The following HOXC4 variants were observed in gnomAD, a reference collection of about 807,000 sequenced individuals.
HOXC4 encodes the protein homeobox C4.
A neutral mutation model predicts 25.5 loss-of-function variants in HOXC4; 15 were observed. The observed-to-expected ratio is 0.59, with a 90% CI of 0.39 to 0.91. HOXC4 has a LOEUF of 0.91. HOXC4 is among the 40% of genes least tolerant of loss of function. HOXC4 has a pLI of 0.00. For missense variants in HOXC4, 342 were observed against 352.4 expected (o/e 0.97, Z 0.24); for synonymous variants, 165 against 148.0 (o/e 1.11, Z -0.83).
intron 1 of HOXC4, chr12:54,034,105 G>T (rs1368104968): frequency 1.2e-5 from 9 of 728,678 alleles, no homozygotes; most frequent in Non-Finnish European, 2.3e-5. Context: ...CTGGGCGGAG[G>T]CGCCTCTCCC....
chr12:54,030,090 G>A (rs1036679240), intron 1 of HOXC4: 6 of 964,948 alleles, frequency 6.2e-6, no homozygotes, highest in Non-Finnish European at 7.5e-6. Flanking sequence ...CAAAATTAGG[G>A]AGTCAAACGT....
chr12:54,049,756 AC>A (rs2136463671), upstream of HOXC4, among the ~76,000 whole-genome samples: 1 of 74,950 alleles, frequency 1.3e-5, no homozygotes, highest in African/African-American at 6.3e-5. Context: ...ATACACACAC[AC>A]ACACACACAC....
intron 1 of HOXC4, among the ~76,000 whole-genome samples, chr12:54,018,306 C>T (rs1037050862): frequency 6.6e-6 from 1 of 152,192 alleles, no homozygotes; most frequent in Non-Finnish European, 1.5e-5. Context: ...GATGCCCGCT[C>T]GCCACGCATG....
chr12:54,023,169 G>T (rs879661908), intron 1 of HOXC4, among the ~76,000 whole-genome samples: 3 of 152,204 alleles, frequency 2.0e-5, no homozygotes, highest in Non-Finnish European at 4.4e-5. Flanking sequence ...TGGAATAGAG[G>T]TGGGAGGCTT....
intron 1 of HOXC4, among the ~76,000 whole-genome samples, chr12:54,025,903 G>A (rs1940673754): frequency 6.6e-6 from 1 of 152,034 alleles, no homozygotes; most frequent in African/African-American, 2.4e-5. Flanking sequence ...AGTCCATGCT[G>A]CCCCAGAAGC....
rs575992089 is a variant in HOXC4, at chr12:54,023,996, G to A, written c.-124+6582G>A. The stretch of plus-strand genomic sequence containing the variant: ...AGCTTATTTATACACAAAACACCAG[G>A]CATTTGGAGTAGAATTTATTTTTTA... On this transcript the variant is annotated intron_variant, in intron 1 of 3. Transcript: ENST00000303406. Among the ~76,000 whole-genome samples the A allele has an allele frequency of 1.8e-4, 28 of 152,166 alleles. 1 individual carries two copies. Among genetic ancestry groups the A allele is most frequent in the Non-Finnish European group, 3.4e-4 (23 of 68,028 alleles).
chr12:54,040,402 G>A (rs924766412), intron 1 of HOXC4, among the ~76,000 whole-genome samples: 1 of 151,980 alleles, frequency 6.6e-6, no homozygotes, highest in African/African-American at 2.4e-5. Flanking sequence ...TCCCACCACA[G>A]CCTTAGCTCC....
chr12:54,029,500 T>TG (rs1697213288), intron 1 of HOXC4: 1 of 434,752 alleles, frequency 2.3e-6, no homozygotes. Context: ...GTACCCCCAG[T>TG]GGGGGTGGGG....
At chr12:54,046,346 C>T (rs1280497829) in intron 1 of HOXC4, among the ~76,000 whole-genome samples, 2 of 152,168 alleles carry the variant, frequency 1.3e-5, no homozygotes, top group Non-Finnish European at 2.9e-5. Flanking sequence ...CCAACGTCTC[C>T]AGAATCCTAA....
intron 1 of HOXC4, chr12:54,033,906 G>A (rs1193701884): frequency 2.2e-6 from 1 of 448,442 alleles, no homozygotes; most frequent in Non-Finnish European, 4.2e-6. Flanking sequence ...CTCCCCTGCG[G>A]AGCCGGCTCC....
chr12:54,020,529 G>C (rs1359862310), intron 1 of HOXC4: 1 of 152,206 alleles, frequency 6.6e-6, no homozygotes, highest in Non-Finnish European at 1.5e-5. Context: ...CCAGGCTTGG[G>C]AGTGTTATAT....
At chr12:54,054,750 C>T in intron 1 of HOXC4, 100 bp from the exon 2 acceptor site, 2 of 762,696 alleles carry the variant, frequency 2.6e-6, no homozygotes, top group East Asian at 5.2e-5. Context: ...ATTTCCACCA[C>T]TCCCTCCTCC....
upstream of HOXC4, among the ~76,000 whole-genome samples, chr12:54,049,059 T>C (rs1937784246): frequency 2.0e-5 from 3 of 152,122 alleles, no homozygotes; most frequent in Admixed American, 2.0e-4. Flanking sequence ...AAGGATATCA[T>C]CCAGCAGTCT....
chr12:54,042,860 T>C (rs1170063213), intron 1 of HOXC4, among the ~76,000 whole-genome samples: 3 of 152,204 alleles, frequency 2.0e-5, no homozygotes, highest in Non-Finnish European at 4.4e-5. Flanking sequence ...GTGTCTGTAC[T>C]GATACTATCT....
chr12:54,024,363 G>A (rs1940591378), intron 1 of HOXC4, among the ~76,000 whole-genome samples: 2 of 152,164 alleles, frequency 1.3e-5, no homozygotes, highest in Admixed American at 1.3e-4. Context: ...AGCCTCAGGA[G>A]GCACCGAGCT....
intron 1 of HOXC4, among the ~76,000 whole-genome samples, chr12:54,024,955 T>C (rs1457481760): frequency 1.3e-5 from 2 of 152,228 alleles, no homozygotes; most frequent in Admixed American, 1.3e-4. Context: ...TCTTTTTCTG[T>C]GTTTTTTGAA....
At chr12:54,046,783 A>G (rs1472579166) in intron 1 of HOXC4, among the ~76,000 whole-genome samples, 1 of 151,884 alleles carries the variant, frequency 6.6e-6, no homozygotes, top group East Asian at 1.9e-4. Flanking sequence ...CCCTAAGTCT[A>G]CCCTTCTCAT....
intron 1 of HOXC4, among the ~76,000 whole-genome samples, chr12:54,032,225 C>G (rs1941011773): frequency 1.3e-5 from 2 of 152,194 alleles, no homozygotes; most frequent in South Asian, 4.1e-4. Context: ...CTAGCCAACT[C>G]CACCTGGCTC....
Position 54,028,297 on chromosome 12 carries a change from C to G in HOXC4, c.-124+10883C>G, listed in dbSNP as rs140291984. The G allele has an allele frequency of 8.3e-4, 323 of 389,940 alleles. No homozygotes were observed. In the East Asian group the frequency reaches 0.011, roughly 13 times the overall value. 24.2% of individuals were successfully genotyped at this position (389,940 alleles called of 1,614,324 possible). A position where few individuals can be genotyped will look rare whatever the true frequency, so the allele number is the denominator to read the frequency against. On this transcript the variant is annotated intron_variant, in intron 1 of 3. Transcript: ENST00000303406. ...TTAAAAGAAATCCAAGTCTTACTTT[C>G]AAAGCACACACTTAGTCTCAACTAG...
Sources: gnomAD v4.1 joint callset for allele counts (sites outside exome capture counted in the v4.1 genomes callset) on GRCh38, gnomAD v4.1.1 for gene constraint, MANE v1.5 for transcripts, NCBI Gene and HGNC (gene_info 2026-07-23, HGNC 2026-07-21) for gene names.